The following KALRN variants were observed in gnomAD, a reference collection of about 807,000 sequenced individuals.
KALRN encodes kalirin RhoGEF kinase.
Under a neutral mutation model 353.7 loss-of-function variants are expected in KALRN, and 70 were observed. The observed-to-expected ratio is 0.20, with a 90% CI of 0.16 to 0.24. The LOEUF is 0.24. KALRN is among the 10% of genes least tolerant of loss of function. The pLI, the probability that KALRN is intolerant of heterozygous loss-of-function variation, is 1.00. For synonymous variants in KALRN, 1,391 were observed against 1,434.8 expected (o/e 0.97, Z 0.69); for missense variants, 2,791 against 3,756.7 (o/e 0.74, Z 6.72).
chr3:124,057,652 G>A (rs1223828389), intron 1 of KALRN, among the ~76,000 whole-genome samples: 1 of 152,106 alleles, frequency 6.6e-6, no homozygotes, highest in Non-Finnish European at 1.5e-5. Context: ...GCCTGGGCCT[G>A]GGTGGTGGAG....
rs565140298 is a variant in KALRN, at chr3:124,627,359, T to G, written c.5183-5061T>G. Among the ~76,000 whole-genome samples, 161 of 152,318 alleles carry G rather than the reference T, an allele frequency of 1.1e-3. 3 individuals carry two copies. Among genetic ancestry groups the G allele is most frequent in the Admixed American group, 9.8e-3 (150 of 15,300 alleles). On this transcript the variant is annotated intron_variant, in intron 34 of 59. Transcript: ENST00000682506. ...CAACAAAATAGAGATTACTTTTGGT[T>G]TTTAATTTGTACTTTATACTCTTGC...
At chr3:124,267,227 G>A (rs576960337) in intron 4 of KALRN, among the ~76,000 whole-genome samples, 19 of 152,328 alleles carry the variant, frequency 1.2e-4, no homozygotes, top group South Asian at 2.1e-4. Flanking sequence ...AATGATGGAG[G>A]ACTTCCCGGA....
At chr3:124,151,921 T>C in intron 1 of KALRN, 1 of 789,014 alleles carries the variant, frequency 1.3e-6, no homozygotes, top group South Asian at 1.5e-5. Flanking sequence ...GTACTGTTTA[T>C]TAACTGACCA....
At chr3:124,065,311 T>G (rs2042266315) in intron 1 of KALRN, among the ~76,000 whole-genome samples, 1 of 152,086 alleles carries the variant, frequency 6.6e-6, no homozygotes, top group South Asian at 2.1e-4. Flanking sequence ...AAGGAGGATG[T>G]GTGAATTCAG....
At chr3:124,322,487 G>A (rs1445705657) in intron 6 of KALRN, among the ~76,000 whole-genome samples, 1 of 152,202 alleles carries the variant, frequency 6.6e-6, no homozygotes, top group Admixed American at 6.5e-5. Context: ...AGGGAAGAAT[G>A]GGAGAGCCAG....
chr3:124,621,629 C>T (rs866858380), intron 34 of KALRN, among the ~76,000 whole-genome samples: 2 of 152,182 alleles, frequency 1.3e-5, no homozygotes, highest in African/African-American at 2.4e-5. Context: ...CTAGCTCCCC[C>T]CACTTCCCGG....
At chr3:124,623,145 CT>C (rs2149707751) in intron 34 of KALRN, among the ~76,000 whole-genome samples, 1 of 144,488 alleles carries the variant, frequency 6.9e-6, no homozygotes, top group East Asian at 2.0e-4. Flanking sequence ...TCTTTCTTTC[CT>C]TTTCTTTTCT....
intron 16 of KALRN, among the ~76,000 whole-genome samples, chr3:124,433,182 C>A (rs911288813): frequency 1.3e-5 from 2 of 151,848 alleles, no homozygotes; most frequent in East Asian, 1.9e-4. Flanking sequence ...AATTTGACTT[C>A]TTTCTTGAAC....
At chr3:124,404,949 C>A (rs2091343680) in intron 13 of KALRN, among the ~76,000 whole-genome samples, 1 of 152,152 alleles carries the variant, frequency 6.6e-6, no homozygotes. Context: ...CATGCCAAAT[C>A]CACCAACATT....
intron 51 of KALRN, among the ~76,000 whole-genome samples, chr3:124,693,364 C>A (rs1486164731): frequency 6.6e-6 from 1 of 152,036 alleles, no homozygotes; most frequent in African/African-American, 2.4e-5. Context: ...TTTCAATGAC[C>A]CTTCCAGTTT....
chr3:124,096,922 T>G (rs1250802433), intron 1 of KALRN, among the ~76,000 whole-genome samples: 1 of 152,256 alleles, frequency 6.6e-6, no homozygotes, highest in East Asian at 1.9e-4. Context: ...TTATGTGGTC[T>G]TCCATGCACG....
intron 13 of KALRN, among the ~76,000 whole-genome samples, chr3:124,406,333 C>T (rs1366682489): frequency 2.6e-5 from 4 of 152,178 alleles, no homozygotes; most frequent in Admixed American, 2.0e-4. Context: ...CAGAGAGGAA[C>T]TCAACATTAT....
chr3:124,540,840 G>T (rs1467726961), intron 33 of KALRN, among the ~76,000 whole-genome samples: 2 of 152,108 alleles, frequency 1.3e-5, no homozygotes, highest in African/African-American at 4.8e-5. Flanking sequence ...GACATTTAGG[G>T]GTTCACGATC....
chr3:124,321,230 T>A (rs2079304956), intron 6 of KALRN, among the ~76,000 whole-genome samples: 1 of 152,244 alleles, frequency 6.6e-6, no homozygotes, highest in South Asian at 2.1e-4. Flanking sequence ...AAAGTTCACC[T>A]CAGCTTTTAG....
At chr3:124,220,366 T>C (rs773996672) in intron 1 of KALRN, among the ~76,000 whole-genome samples, 59 of 152,118 alleles carry the variant, frequency 3.9e-4, no homozygotes, top group Middle Eastern at 6.8e-3. Context: ...TCACCTCTAT[T>C]TCTTTCTCTC....
intron 33 of KALRN, among the ~76,000 whole-genome samples, chr3:124,518,080 C>G (rs2066821234): frequency 6.6e-6 from 1 of 152,156 alleles, no homozygotes; most frequent in South Asian, 2.1e-4. Context: ...CTACAGGCGT[C>G]TAATGGGATG....
chr3:124,632,466 CG>C lies in KALRN; in HGVS notation c.5230del (p.Val1744TrpfsTer10). 6.2e-7 allele frequency: 1 copy of C among 1,613,994 alleles called. No individual in the cohort carries two copies. On this transcript the variant is annotated frameshift_variant, in exon 35 of 60. Transcript: ENST00000682506. LOFTEE classifies it high-confidence loss of function. ...SSENGGKSESVANLQAQPSLN... is the reference protein window; with the variant it reads ...SSENGGKSESXANLQAQPSLN... Reference sequence around the variant, plus strand: ...GCGAGAATGGAGGCAAGTCCGAGTCCGTGGCCAACCTGCAGGCCCAGCCCTC... The same window carrying C: ...GCGAGAATGGAGGCAAGTCCGAGTCCTGGCCAACCTGCAGGCCCAGCCCTC...
At chr3:124,153,460 T>C (rs12635631) in intron 1 of KALRN, among the ~76,000 whole-genome samples, 41,129 of 149,836 alleles carry the variant, frequency 0.27, 6,098 homozygotes, top group East Asian at 0.46. Context: ...TCATTTTTTA[T>C]GGCTGCATAG....
At chr3:124,092,719 T>G (rs908784217) in intron 1 of KALRN, among the ~76,000 whole-genome samples, 1 of 152,252 alleles carries the variant, frequency 6.6e-6, no homozygotes, top group African/African-American at 2.4e-5. Context: ...CTACGAGTTA[T>G]CTGACCTTAA....
Sources: allele counts gnomAD v4.1 joint callset (sites outside exome capture counted in the v4.1 genomes callset), GRCh38; gene constraint gnomAD v4.1.1; transcripts MANE v1.5; gene names NCBI Gene and HGNC (gene_info 2026-07-23, HGNC 2026-07-21).